KLHL26: variants seen among roughly 807,000 people sequenced by gnomAD.
KLHL26 encodes kelch like family member 26.
A neutral mutation model predicts 7.1 loss-of-function variants in KLHL26; 4 were observed. The ratio of observed to expected loss-of-function variants is 0.56; its 90% confidence interval spans 0.28 to 1.28. KLHL26 has a LOEUF of 1.28. Among genes scored for constraint, KLHL26 ranks in the 50% most tolerant of loss-of-function variants. The pLI is 0.11. For missense variants in KLHL26, 896 were observed against 924.6 expected (o/e 0.97, Z 0.40); for synonymous variants, 465 against 414.1 (o/e 1.12, Z -1.49).
intron 1 of KLHL26, among the ~76,000 whole-genome samples, chr19:18,660,789 C>T (rs1262611569): frequency 6.6e-6 from 1 of 152,174 alleles, no homozygotes; most frequent in African/African-American, 2.4e-5. Flanking sequence ...ACGTCAGGGG[C>T]CTCAGGGACA....
At position 18,669,207 on chromosome 19, in the gene KLHL26, G is replaced by GC; in HGVS notation, c.1815dup (p.Val606ArgfsTer21). ...GGAGTCCTTCGCAGGCATAGCCTGC[G>GC]CCCCCGTCCTGCTGCCCCGGGCCGG... On this transcript the variant is annotated frameshift_variant, in exon 3 of 3. Coordinates refer to ENST00000300976, the MANE Select transcript of KLHL26 (RefSeq NM_018316.3). LOFTEE classifies it high-confidence loss of function. 1 of 1,611,828 alleles carries GC rather than the reference G, an allele frequency of 6.2e-7. No homozygotes were observed. Among genetic ancestry groups the GC allele is most frequent in the South Asian group, 1.1e-5 (1 of 91,076 alleles).
Position 18,646,692 on chromosome 19 carries a change from G to C in KLHL26, c.83+9555G>C, listed in dbSNP as rs1419805374. 6.6e-6 allele frequency among the ~76,000 whole-genome samples: 1 copy of C among 152,216 alleles called. No individual in the cohort carries two copies. Among genetic ancestry groups the C allele is most frequent in the Non-Finnish European group, 1.5e-5 (1 of 68,042 alleles). On this transcript the variant is annotated intron_variant, in intron 1 of 2. Coordinates refer to ENST00000300976, the MANE Select transcript of KLHL26 (RefSeq NM_018316.3). This position sits in a 1 kb window ranked among gnomAD's most constrained non-coding sequence, Gnocchi z 5.0. ...TTACTGTGGCAGTGCTGACGCCCAT[G>C]ATGGGGACACTGCCATCCTTCTGCC...
At position 18,656,273 on chromosome 19, in the gene KLHL26, G is replaced by T. The variant is rs904817113; in HGVS notation, c.84-7988G>T. ...AACCTGCTGAGCCTGAGAGCAGGGA[G>T]TGTCTCCTGCCACCTCACTGGGTCC... On this transcript the variant is annotated intron_variant, in intron 1 of 2. Coordinates refer to ENST00000300976, the MANE Select transcript of KLHL26 (RefSeq NM_018316.3). The surrounding 1 kb of genome is among the most constrained non-coding windows in gnomAD (Gnocchi z 4.4). Among the ~76,000 whole-genome samples, 3 of 152,188 alleles carry T rather than the reference G, an allele frequency of 2.0e-5. No individual in the cohort carries two copies. The highest frequency in any genetic ancestry group is 1.3e-4 in the Admixed American group (2 of 15,284).
chr19:18,664,051 G>A (rs1422836755), intron 1 of KLHL26, among the ~76,000 whole-genome samples: 4 of 151,518 alleles, frequency 2.6e-5, no homozygotes, highest in South Asian at 4.2e-4. Flanking sequence ...CACCCCATCA[G>A]CAGTCACTCC....
rs2052340788 is a variant in KLHL26 at position 18,656,969 on chromosome 19, C to T, written c.84-7292C>T. Among the ~76,000 whole-genome samples, 1 of 151,794 alleles carries T rather than the reference C, an allele frequency of 6.6e-6. No individual in the cohort carries two copies. Among genetic ancestry groups the T allele is most frequent in the Non-Finnish European group, 1.5e-5 (1 of 67,898 alleles). On this transcript the variant is annotated intron_variant, in intron 1 of 2. Transcript: ENST00000300976. The surrounding 1 kb of genome is among the most constrained non-coding windows in gnomAD (Gnocchi z 4.4). Reference sequence around the variant, plus strand: ...TCTCTGTCCCTCTCTCCCTGGGTCTCTGTCTCCCTGTCTCTGGGTCTCTGT... The same window carrying T: ...TCTCTGTCCCTCTCTCCCTGGGTCTTTGTCTCCCTGTCTCTGGGTCTCTGT...
chr19:18,640,574 T>G (rs1349245487), intron 1 of KLHL26, among the ~76,000 whole-genome samples: 1 of 142,382 alleles, frequency 7.0e-6, no homozygotes, highest in African/African-American at 2.6e-5. Context: ...TTTTTTTTTT[T>G]TTGAGATGGA....
rs1420608580 is a variant in KLHL26, at chr19:18,656,228, C to G, written c.84-8033C>G. Among the ~76,000 whole-genome samples the G allele has an allele frequency of 6.6e-6, 1 of 152,358 alleles. No individual in the cohort carries two copies. Among genetic ancestry groups the G allele is most frequent in the African/African-American group, 2.4e-5 (1 of 41,590 alleles). ...ACGGGCCTCAGCTTTCTGCTCCCAG[C>G]TCTGTGGGCTTCACCTCTCAACCTG... On this transcript the variant is annotated intron_variant, in intron 1 of 2. Coordinates refer to ENST00000300976, the MANE Select transcript of KLHL26 (RefSeq NM_018316.3). The surrounding 1 kb of genome is among the most constrained non-coding windows in gnomAD (Gnocchi z 4.4).
At position 18,668,159 on chromosome 19, in the gene KLHL26, G is replaced by T; in HGVS notation, c.762G>T (p.Pro254=). 1.2e-6 allele frequency: 2 copies of T among 1,608,600 alleles called. No homozygotes were observed. The highest frequency in any genetic ancestry group is 1.7e-6 in the Non-Finnish European group (2 of 1,179,556). The change falls in exon 3 of 3, where the codon CCG becomes CCT. Residue 254 remains proline, a synonymous_variant. Coordinates refer to ENST00000300976, the MANE Select transcript of KLHL26 (RefSeq NM_018316.3). ...ASHVLCHIRF[P]LMQSSELVDS... ...ACGTGCTCTGCCACATTCGCTTCCCGCTCATGCAGTCGTCCGAGCTGGTGG... is the reference window on the plus strand; with the variant it reads ...ACGTGCTCTGCCACATTCGCTTCCCTCTCATGCAGTCGTCCGAGCTGGTGG...
chr19:18,666,564 G>A (rs2052450101), intron 2 of KLHL26, among the ~76,000 whole-genome samples: 1 of 152,170 alleles, frequency 6.6e-6, no homozygotes, highest in Non-Finnish European at 1.5e-5. Flanking sequence ...ACGGGGGCCT[G>A]TGTCCCCTCC....
At chr19:18,647,135 C>T (rs1600687259) in intron 1 of KLHL26, among the ~76,000 whole-genome samples, 1 of 152,236 alleles carries the variant, frequency 6.6e-6, no homozygotes, top group South Asian at 2.1e-4. Context: ...TCCTTGTCGG[C>T]AGGTCCCAAG....
intron 1 of KLHL26, among the ~76,000 whole-genome samples, chr19:18,654,325 A>G (rs533691837): frequency 1.5e-5 from 2 of 137,714 alleles, no homozygotes; most frequent in African/African-American, 5.5e-5. Flanking sequence ...CAACCCACCC[A>G]CCCATCCACC....
chr19:18,642,229 A>G (rs897106358), intron 1 of KLHL26, among the ~76,000 whole-genome samples: 3 of 151,896 alleles, frequency 2.0e-5, no homozygotes, highest in Non-Finnish European at 4.4e-5. Context: ...CAACCTGCCC[A>G]CGTCTCCTTC....
rs1037015852 is a variant in KLHL26 at position 18,656,467 on chromosome 19, C to CCT, written c.84-7792_84-7791dup. Reference sequence around the variant, plus strand: ...GGGGTGCCAGCCCTGGGTACAGTGGCCTCCTGCTAGGCACTCCCAGATGCT... The same window carrying CCT: ...GGGGTGCCAGCCCTGGGTACAGTGGCCTCTCCTGCTAGGCACTCCCAGATGCT... On this transcript the variant is annotated intron_variant, in intron 1 of 2. Coordinates refer to ENST00000300976, the MANE Select transcript of KLHL26 (RefSeq NM_018316.3). This position sits in a 1 kb window ranked among gnomAD's most constrained non-coding sequence, Gnocchi z 4.4. Among the ~76,000 whole-genome samples, 6 of 152,050 alleles carry CCT rather than the reference C, an allele frequency of 3.9e-5. No homozygotes were observed. Among genetic ancestry groups the CCT allele is most frequent in the Non-Finnish European group, 8.8e-5 (6 of 68,026 alleles).
intron 1 of KLHL26, among the ~76,000 whole-genome samples, chr19:18,654,395 G>A (rs556052526): frequency 2.5e-4 from 32 of 126,134 alleles, no homozygotes; most frequent in South Asian, 1.4e-3. Context: ...CCACCTGCCC[G>A]TCCAGCCACC....
At chr19:18,645,016 T>C (rs1015730575) in intron 1 of KLHL26, among the ~76,000 whole-genome samples, 3 of 152,030 alleles carry the variant, frequency 2.0e-5, no homozygotes, top group African/African-American at 7.2e-5. Context: ...AAGCTTATTC[T>C]CCTTCCTTCC....
Position 18,668,081 on chromosome 19 carries a change from C to G in KLHL26, c.684C>G (p.Arg228=), listed in dbSNP as rs141714796. Residue 228 remains arginine, a synonymous_variant, in exon 3 of 3, where the codon CGC becomes CGG. Transcript: ENST00000300976. ...LQSCAEIDLF[R]AAVRWLQHDP... is the part of the protein sequence containing the mutation. The stretch of plus-strand genomic sequence containing the variant: ...GCTGTGCCGAGATCGACCTGTTCCG[C>G]GCGGCCGTCCGCTGGCTGCAGCATG... 1.9e-6 allele frequency: 3 copies of G among 1,605,378 alleles called. No homozygotes were observed. Among genetic ancestry groups the G allele is most frequent in the East Asian group, 4.5e-5 (2 of 44,874 alleles).
intron 1 of KLHL26, among the ~76,000 whole-genome samples, chr19:18,659,081 T>C (rs989962690): frequency 4.0e-5 from 6 of 151,344 alleles, no homozygotes; most frequent in Non-Finnish European, 8.8e-5. Flanking sequence ...AATCTGTTTT[T>C]CTCTCTCTGG....
chr19:18,660,365 A>T (rs931011231), intron 1 of KLHL26, among the ~76,000 whole-genome samples: 2 of 152,196 alleles, frequency 1.3e-5, no homozygotes, highest in African/African-American at 2.4e-5. Context: ...GGGTGCAGCC[A>T]GGGCGGGCAG....
Position 18,671,566 on chromosome 19 carries a change from GA to G in KLHL26, c.*2322del, listed in dbSNP as rs2052525018. The G allele has an allele frequency of 6.6e-6, 1 of 152,256 alleles. No individual in the cohort carries two copies. The highest frequency in any genetic ancestry group is 1.5e-5 in the Non-Finnish European group (1 of 68,076). The allele number at this position is 152,256 out of a possible 1,614,324, so 9.4% of individuals were successfully genotyped here. ...CGGGGGGCGCTGCTGTATCTAACCG[GA>G]TCGATTGTGCATAACCGTCTAGGCC... is the stretch of plus-strand genomic sequence containing the variant. On this transcript the variant is annotated 3_prime_UTR_variant, in exon 3 of 3. Coordinates refer to ENST00000300976, the MANE Select transcript of KLHL26 (RefSeq NM_018316.3).
Sources: gnomAD v4.1 joint callset for allele counts (sites outside exome capture counted in the v4.1 genomes callset) on GRCh38, gnomAD v4.1.1 for gene constraint, Gnocchi (gnomAD v3.1) non-coding constraint, MANE v1.5 for transcripts, NCBI Gene and HGNC (gene_info 2026-07-23, HGNC 2026-07-21) for gene names.